DENND3: variants seen among roughly 807,000 people sequenced by gnomAD.
The protein encoded by DENND3 is DENN domain containing 3.
Under a neutral mutation model 135.1 loss-of-function variants are expected in DENND3, and 88 were observed. The observed-to-expected ratio is 0.65, with a 90% CI of 0.55 to 0.78. The LOEUF is 0.78. Ranked by LOEUF, DENND3 falls within the 30% of genes least tolerant of loss-of-function variation. The pLI is 0.00. For synonymous variants in DENND3, 693 were observed against 712.3 expected (o/e 0.97, Z 0.43); for missense variants, 1,392 against 1,688.4 (o/e 0.82, Z 3.08).
intron 15 of DENND3, chr8:141,177,681 C>T (rs1035299110): frequency 4.2e-5 from 7 of 167,618 alleles, no homozygotes; most frequent in African/African-American, 9.5e-5. Context: ...AACCAAAGCC[C>T]GTGGGCCAGT....
At chr8:141,163,557 T>G in intron 10 of DENND3, 128 bp downstream of exon 10, 1 of 568,278 alleles carries the variant, frequency 1.8e-6, no homozygotes, top group Non-Finnish European at 3.1e-6. Context: ...TTTAGCATGG[T>G]TCCTTTTGAC....
Position 141,138,933 on chromosome 8 carries a change from G to A in DENND3, c.501+796G>A, listed in dbSNP as rs1817121904. ...TGGGTTGTTTCCGCCTTTTGTCTTT[G>A]GTGTGAGCGACTGGCGTTTAGACTT... On this transcript the variant is annotated intron_variant, in intron 3 of 22. Coordinates refer to ENST00000519811, the MANE Select transcript of DENND3 (RefSeq NM_001352890.3). The surrounding 1 kb of genome is among the most constrained non-coding windows in gnomAD (Gnocchi z 4.8). Among the ~76,000 whole-genome samples the A allele has an allele frequency of 6.6e-6, 1 of 152,174 alleles. No homozygotes were observed. Among genetic ancestry groups the A allele is most frequent in the Non-Finnish European group, 1.5e-5 (1 of 68,036 alleles).
chr8:141,168,351 A>T lies in DENND3; in HGVS notation c.2101A>T (p.Ile701Phe). ...GCAGGCGCCGGAGCTGATGAGGCTC[A>T]TCAGCGAGATCCTGGACAAGCCGCA... is the stretch of plus-strand genomic sequence containing the variant. ...AEQAPELMRL[I>F]SEILDKPHEA... Residue 701 changes from isoleucine (I) to phenylalanine (F), a missense_variant, in exon 13 of 23, where the codon ATC (isoleucine) becomes TTC (phenylalanine). Transcript: ENST00000519811. This position sits in a 1 kb window ranked among gnomAD's most constrained non-coding sequence, Gnocchi z 6.2. 1 of 1,613,920 alleles carries T rather than the reference A, an allele frequency of 6.2e-7. No individual in the cohort carries two copies. The highest frequency in any genetic ancestry group is 2.2e-5 in the East Asian group (1 of 44,878).
At chr8:141,157,012 G>A (rs561036792) in intron 8 of DENND3, among the ~76,000 whole-genome samples, 1 of 152,114 alleles carries the variant, frequency 6.6e-6, no homozygotes, top group East Asian at 1.9e-4. Flanking sequence ...TTGAACTCCT[G>A]ACCTTGTAAT....
intron 5 of DENND3, chr8:141,150,387 A>G (rs1335981046): frequency 8.7e-7 from 1 of 1,156,058 alleles, no homozygotes; most frequent in Non-Finnish European, 1.1e-6. Flanking sequence ...AAAATTTGAA[A>G]TGCACATGTC....
chr8:141,141,513 A>C lies in DENND3; in HGVS notation c.623+189A>C, dbSNP rs1817453767. 1.9e-6 allele frequency: 1 copy of C among 540,166 alleles called. No homozygotes were observed. Among genetic ancestry groups the C allele is most frequent in the East Asian group, 3.6e-5 (1 of 27,940 alleles). 33.5% of individuals were successfully genotyped at this position (540,166 alleles called of 1,614,324 possible). A position where few individuals can be genotyped will look rare whatever the true frequency, so the allele number is the denominator to read the frequency against. ...TCTGTGCCTCTTAGGCTGTTGCTTA[A>C]GGCTGGGGGCAGTGGGCAGGGGGTG... On this transcript the variant is annotated intron_variant, in intron 4 of 22. Transcript: ENST00000519811. This position sits in a 1 kb window ranked among gnomAD's most constrained non-coding sequence, Gnocchi z 5.3.
chr8:141,134,901 G>T (rs1233517191), intron 1 of DENND3, among the ~76,000 whole-genome samples: 1 of 152,008 alleles, frequency 6.6e-6, no homozygotes, highest in Non-Finnish European at 1.5e-5. Flanking sequence ...TGAGATCTCG[G>T]CTCACTGCAA....
chr8:141,183,425 T>A (rs1223424665), intron 17 of DENND3, among the ~76,000 whole-genome samples: 1 of 150,774 alleles, frequency 6.6e-6, no homozygotes, highest in African/African-American at 2.4e-5. Context: ...TTGTATTTTT[T>A]TTTTTTTTTT....
At chr8:141,145,841 A>T (rs1255386263) in intron 5 of DENND3, among the ~76,000 whole-genome samples, 1,063 of 31,256 alleles carry the variant, frequency 0.034, 72 homozygotes, top group African/African-American at 0.27. Context: ...ATATATATAT[A>T]TATATATATG....
chr8:141,134,930 A>G (rs1023867479), intron 1 of DENND3, among the ~76,000 whole-genome samples: 1 of 151,922 alleles, frequency 6.6e-6, no homozygotes, highest in Non-Finnish European at 1.5e-5. Context: ...TCCTGGGTTC[A>G]TGCCATTCTC....
intron 4 of DENND3, chr8:141,143,069 AG>A (rs1231076730): frequency 6.6e-6 from 1 of 152,260 alleles, no homozygotes; most frequent in Non-Finnish European, 1.5e-5. Flanking sequence ...CAGAACTAGA[AG>A]GGGCGAAATA....
intron 13 of DENND3, among the ~76,000 whole-genome samples, chr8:141,173,235 T>C (rs1365105878): frequency 6.6e-6 from 1 of 152,252 alleles, no homozygotes; most frequent in Non-Finnish European, 1.5e-5. Context: ...TCCTCCTTTG[T>C]CTTCTTCTGT....
chr8:141,158,803 CA>C (rs963776276), intron 8 of DENND3, among the ~76,000 whole-genome samples: 3 of 152,288 alleles, frequency 2.0e-5, no homozygotes, highest in African/African-American at 7.2e-5. Context: ...CCCTGGGCAG[CA>C]GGGGTAGGGT....
intron 16 of DENND3, among the ~76,000 whole-genome samples, chr8:141,178,520 G>C (rs1822686722): frequency 6.6e-6 from 1 of 152,238 alleles, no homozygotes; most frequent in African/African-American, 2.4e-5. Context: ...GGCTGAAGCA[G>C]ACTAGAAACC....
chr8:141,145,838 TATATATA>T (rs1818031776), intron 5 of DENND3, among the ~76,000 whole-genome samples: 1 of 82,250 alleles, frequency 1.2e-5, no homozygotes, highest in African/African-American at 9.1e-5. Context: ...TATATATATA[TATATATA>T]TATATGTATT....
rs1044422735 is a variant in DENND3 at position 141,139,371 on chromosome 8, G to A, written c.501+1234G>A. Reference sequence around the variant, plus strand: ...CTTAATGAATATGCAGGAGCAAAGCGTACTACTTGATGCTCTGAATGCATA... The same window carrying A: ...CTTAATGAATATGCAGGAGCAAAGCATACTACTTGATGCTCTGAATGCATA... On this transcript the variant is annotated intron_variant, in intron 3 of 22. Coordinates refer to ENST00000519811, the MANE Select transcript of DENND3 (RefSeq NM_001352890.3). The surrounding 1 kb of genome is among the most constrained non-coding windows in gnomAD (Gnocchi z 4.2). 3.9e-5 allele frequency among the ~76,000 whole-genome samples: 6 copies of A among 152,192 alleles called. No homozygotes were observed. The highest frequency in any genetic ancestry group is 2.1e-4 in the South Asian group (1 of 4,828).
At chr8:141,185,355 C>T (rs770009602) in intron 18 of DENND3, 77 bp downstream of exon 18, 15 of 1,582,586 alleles carry the variant, frequency 9.5e-6, no homozygotes, top group South Asian at 7.9e-5. Context: ...CATCCATATT[C>T]GACAGTAGGA....
At chr8:141,186,614 G>A (rs1433935431) in intron 18 of DENND3, among the ~76,000 whole-genome samples, 3 of 152,194 alleles carry the variant, frequency 2.0e-5, no homozygotes, top group Non-Finnish European at 4.4e-5. Flanking sequence ...CTGTGGCTCA[G>A]GGAAGCCACA....
In DENND3 at chr8:141,137,410, G is replaced by A. The variant is rs118109687; in HGVS notation, c.386-612G>A. On this transcript the variant is annotated intron_variant, in intron 2 of 22. Transcript: ENST00000519811. This position sits in a 1 kb window ranked among gnomAD's most constrained non-coding sequence, Gnocchi z 4.1. ...AACCATTTGTTCCTGGTGCATTCAA[G>A]GCTTTTCCCCTTTGACTTAAAATGA... is the stretch of plus-strand genomic sequence containing the variant. 4.9e-3 allele frequency among the ~76,000 whole-genome samples: 745 copies of A among 152,312 alleles called. 4 individuals are homozygous for A. Among genetic ancestry groups the A allele is most frequent in the Non-Finnish European group, 5.4e-3 (370 of 68,020 alleles).
Sources: allele counts gnomAD v4.1 joint callset (sites outside exome capture counted in the v4.1 genomes callset), GRCh38; gene constraint gnomAD v4.1.1; non-coding constraint Gnocchi (gnomAD v3.1); transcripts MANE v1.5; gene names NCBI Gene and HGNC (gene_info 2026-07-23, HGNC 2026-07-21).